The following THBS3 variants were observed in gnomAD, a reference collection of about 807,000 sequenced individuals.
The protein encoded by THBS3 is thrombospondin 3, also known as thrombospondin-3.
Under a neutral mutation model 118.3 loss-of-function variants are expected in THBS3, and 78 were observed. The observed-to-expected ratio is 0.66, with a 90% CI of 0.55 to 0.80. THBS3 has a LOEUF of 0.80. THBS3 is among the 30% of genes least tolerant of loss of function. The pLI is 0.00. For synonymous variants in THBS3, 427 were observed against 475.3 expected, an observed-to-expected ratio of 0.90 and a Z score of 1.32; for missense variants, 1,057 against 1,247.4, an observed-to-expected ratio of 0.85 and a Z score of 2.30.
At chr1:155,208,859 C>T (rs576992799), upstream of THBS3, 5 of 1,608,088 alleles carry the variant, frequency 3.1e-6, no homozygotes, top group East Asian at 1.1e-4. Flanking sequence ...CCCCAAGGGG[C>T]CCTGGAGCAG....
rs563646613 is a variant in THBS3, at chr1:155,197,407, G to C, written c.2499+56C>G. 6.3e-7 allele frequency: 1 copy of C among 1,583,890 alleles called. No individual in the cohort carries two copies. Among genetic ancestry groups the C allele is most frequent in the East Asian group, 2.2e-5 (1 of 44,538 alleles). On this transcript the variant is annotated intron_variant, in intron 20 of 22. Coordinates refer to ENST00000368378, the MANE Select transcript of THBS3 (RefSeq NM_007112.5). This position sits in a 1 kb window ranked among gnomAD's most constrained non-coding sequence, Gnocchi z 5.0. Reference sequence around the variant, plus strand: ...AAGCAGTGGGGGAGGCCCTGGGGCTGCAGAGGAGAGCTTTGGGAAAGGGCC... The same window carrying C: ...AAGCAGTGGGGGAGGCCCTGGGGCTCCAGAGGAGAGCTTTGGGAAAGGGCC...
At chr1:155,196,163 C>G (rs1354279934) in intron 21 of THBS3, 37 bp from the exon 22 acceptor site, 2 of 1,611,496 alleles carry the variant, frequency 1.2e-6, no homozygotes, top group African/African-American at 1.3e-5. Context: ...TCCATTGGTG[C>G]TAGGGTGCCA....
chr1:155,208,434 C>CT (rs1157356091), upstream of THBS3, among the ~76,000 whole-genome samples: 3 of 152,196 alleles, frequency 2.0e-5, no homozygotes, highest in South Asian at 2.1e-4. Context: ...CGTAGGAAAG[C>CT]TTGGGAGTCT....
Position 155,201,565 on chromosome 1 carries a change from G to A in THBS3, c.1181C>T (p.Ser394Phe). 1 of 1,613,742 alleles carries A rather than the reference G, an allele frequency of 6.2e-7. No homozygotes were observed. The highest frequency in any genetic ancestry group is 8.5e-7 in the Non-Finnish European group (1 of 1,179,840). Residue 394 changes from serine (S) to phenylalanine (F), a missense_variant, in exon 11 of 23, where the codon TCT becomes TTT. Coordinates refer to ENST00000368378, the MANE Select transcript of THBS3 (RefSeq NM_007112.5). The part of the protein sequence containing the change: ...PNSICTNTVG[S>F]FKCGPCRLGF... ...CAGGCGGCAGGGACCACACTTGAAA[G>A]AGCCCTAAGAGTGGAGAGGCAGCAT...
chr1:155,200,522 G>A lies in THBS3; in HGVS notation c.1637C>T (p.Pro546Leu), dbSNP rs143027519. The A allele has an allele frequency of 3.7e-6, 6 of 1,614,112 alleles. No homozygotes were observed. The highest frequency in any genetic ancestry group is 1.1e-5 in the South Asian group (1 of 91,078). The change falls in exon 14 of 23, where the codon CCC (proline) becomes CTC (leucine). Residue 546 changes from proline (P) to leucine (L), a missense_variant. Physicochemically the swap from Pro to Leu is moderately conservative, Grantham distance 98 (BLOSUM62 -3). Coordinates refer to ENST00000368378, the MANE Select transcript of THBS3 (RefSeq NM_007112.5). ...GDACDNCPNV[P>L]NNDQKDTDGN... is the part of the protein sequence containing the mutation. The stretch of plus-strand genomic sequence containing the variant: ...ATCTGTGTCCTTCTGGTCATTGTTG[G>A]GAACGTTGGGGCAATTGTCACAGGC...
At position 155,202,650 on chromosome 1, in the gene THBS3, C is replaced by T. The variant is rs1437776569; in HGVS notation, c.957+162G>A. Among the ~76,000 whole-genome samples the T allele has an allele frequency of 6.6e-6, 1 of 152,150 alleles. No homozygotes were observed. The highest frequency in any genetic ancestry group is 1.5e-5 in the Non-Finnish European group (1 of 68,030). On this transcript the variant is annotated intron_variant, in intron 8 of 22. Transcript: ENST00000368378. This position sits in a 1 kb window ranked among gnomAD's most constrained non-coding sequence, Gnocchi z 5.5. ...TCCCTGTATGGCCTTCAGTCTTTGC[C>T]CCAGGCCTTCTGTCTCTCCCATCTT...
chr1:155,208,383 G>A (rs992398647), upstream of THBS3, among the ~76,000 whole-genome samples: 1 of 152,200 alleles, frequency 6.6e-6, no homozygotes, highest in African/African-American at 2.4e-5. Context: ...TTAGGGTGGG[G>A]GGTCCCCTGA....
intron 4 of THBS3, among the ~76,000 whole-genome samples, chr1:155,203,936 C>T (rs975622083): frequency 1.3e-5 from 2 of 151,900 alleles, no homozygotes; most frequent in Non-Finnish European, 2.9e-5. Flanking sequence ...CTCCTGGGTT[C>T]AAGCAACTCT....
chr1:155,195,688 G>A lies in THBS3; in HGVS notation c.*153C>T. 2 of 764,674 alleles carry A rather than the reference G, an allele frequency of 2.6e-6. No individual in the cohort carries two copies. The highest frequency in any genetic ancestry group is 4.3e-6 in the Non-Finnish European group (2 of 464,010). The allele number at this position is 764,674 out of a possible 1,614,324, so 47.4% of individuals were successfully genotyped here. A position where few individuals can be genotyped will look rare whatever the true frequency, so the allele number is the denominator to read the frequency against. Reference sequence around the variant, plus strand: ...AAACTTCTCATCCCCTGAAGGGTGGGGTGACCACCCCTCTGGGACTGAACT... The same window carrying A: ...AAACTTCTCATCCCCTGAAGGGTGGAGTGACCACCCCTCTGGGACTGAACT... On this transcript the variant is annotated 3_prime_UTR_variant, in exon 23 of 23. Coordinates refer to ENST00000368378, the MANE Select transcript of THBS3 (RefSeq NM_007112.5).
Position 155,198,049 on chromosome 1 carries a change from A to G in THBS3, c.2246T>C (p.Leu749Pro). 6.2e-7 allele frequency: 1 copy of G among 1,614,170 alleles called. No homozygotes were observed. The highest frequency in any genetic ancestry group is 8.5e-7 in the Non-Finnish European group (1 of 1,180,032). Residue 749 changes from leucine to proline, a missense_variant, in exon 18 of 23, where the codon CTC becomes CCC. Physicochemically the swap from Leu to Pro is moderately conservative, Grantham distance 98 (BLOSUM62 -3). Transcript: ENST00000368378. ...CCCACTGCCCCGAGTTACCTGGTTG[A>G]GCACAACCCAGTTTGGGTCAATCTG... ...DAQIDPNWVV[L>P]NQGMEIVQTM...
chr1:155,199,583 GTC>G (rs1264220710), intron 16 of THBS3, among the ~76,000 whole-genome samples: 2 of 152,074 alleles, frequency 1.3e-5, no homozygotes, highest in African/African-American at 4.8e-5. Context: ...GTGAAACCCT[GTC>G]TCTACTGAAA....
rs772480490 is a variant in THBS3 at position 155,198,472 on chromosome 1, A to C, written c.2011T>G (p.Tyr671Asp). The change falls in exon 17 of 23, where the codon TAT becomes GAT. Residue 671 changes from tyrosine (Y) to aspartate (D), a missense_variant. This residue lies in a region of THBS3 where 544 missense variants were observed against 715.6 expected (regional missense o/e 0.76). Coordinates refer to ENST00000368378, the MANE Select transcript of THBS3 (RefSeq NM_007112.5). Reference protein sequence around the residue: ...GDDDNDGIPDYVPPGPDNCRL... With the variant: ...GDDDNDGIPDDVPPGPDNCRL... ...CAGTTATCGGGACCAGGAGGCACAT[A>C]ATCTGGGATGCCATCATTGTCATCA... 1 of 1,614,154 alleles carries C rather than the reference A, an allele frequency of 6.2e-7. No homozygotes were observed. Among genetic ancestry groups the C allele is most frequent in the Non-Finnish European group, 8.5e-7 (1 of 1,180,008 alleles).
Position 155,195,760 on chromosome 1 carries a change from G to T in THBS3, c.*81C>A. ...GTCTGTGGTTGGCTGAGGGGCTGTA[G>T]CTTAGACCTCAGGGTCTCCAGGATG... On this transcript the variant is annotated 3_prime_UTR_variant, in exon 23 of 23. Coordinates refer to ENST00000368378, the MANE Select transcript of THBS3 (RefSeq NM_007112.5). 2.0e-6 allele frequency: 3 copies of T among 1,486,018 alleles called. No individual in the cohort carries two copies. The highest frequency in any genetic ancestry group is 2.3e-5 in the East Asian group (1 of 44,202). 92.1% of individuals were successfully genotyped at this position (1,486,018 alleles called of 1,614,324 possible).
rs140640141 is a variant in THBS3 at position 155,197,916 on chromosome 1, C to A, written c.2266G>T (p.Val756Phe). The A allele has an allele frequency of 3.7e-6, 6 of 1,613,866 alleles. No homozygotes were observed. The South Asian group carries it at 5.5e-5, about 15-fold the overall frequency. ...WVVLNQGMEI[V>F]QTMNSDPGLA... ...CCAGGGTCACTGTTCATGGTCTGAA[C>A]GATTTCCATGCCCTGGGGTTGTATA... The change falls in exon 19 of 23, where the codon GTT becomes TTT. Residue 756 changes from valine (V) to phenylalanine (F), a missense_variant. Coordinates refer to ENST00000368378, the MANE Select transcript of THBS3 (RefSeq NM_007112.5). The surrounding 1 kb of genome is among the most constrained non-coding windows in gnomAD (Gnocchi z 5.0).
Position 155,206,383 on chromosome 1 carries a change from C to G in THBS3, c.103G>C (p.Glu35Gln). The change falls in exon 2 of 23, where the codon GAG (glutamate) becomes CAG (glutamine). Residue 35 changes from glutamate to glutamine, a missense_variant. Physicochemically the swap from Glu to Gln is conservative, Grantham distance 29 (BLOSUM62 2). This residue lies in a region of THBS3 where 206 missense variants were observed against 205.7 expected (regional missense o/e 1.00). Transcript: ENST00000368378. The surrounding 1 kb of genome is among the most constrained non-coding windows in gnomAD (Gnocchi z 4.2). ...LQVIDLLTVGESRQMVAVAEK... is the reference protein window; with the variant it reads ...LQVIDLLTVGQSRQMVAVAEK... ...GCCACAGCTACCATCTGCCGAGACT[C>G]GCCCACAGTCAGCAGGTCAATTACT... The G allele has an allele frequency of 6.2e-7, 1 of 1,614,074 alleles. No homozygotes were observed. Among genetic ancestry groups the G allele is most frequent in the Non-Finnish European group, 8.5e-7 (1 of 1,180,004 alleles).
Position 155,204,896 on chromosome 1 carries a change from C to G in THBS3, c.605G>C (p.Ser202Thr), listed in dbSNP as rs1185442739. The change falls in exon 4 of 23, where the codon AGT becomes ACT. Residue 202 changes from serine to threonine, a missense_variant. Physicochemically the swap from Ser to Thr is moderately conservative, Grantham distance 58. Around this residue, in one of 3 missense-constraint regions of THBS3, gnomAD observed 544 missense variants for 715.6 expected, o/e 0.76. Coordinates refer to ENST00000368378, the MANE Select transcript of THBS3 (RefSeq NM_007112.5). ...CTCGTCCCCTTGGAATGGACACTCA[C>G]TCAGGGCTCCTACCCGGGCCATGGA... ...GGSMARVGAL[S>T]ECPFQGDESI... is the part of the protein sequence containing the mutation. 6.2e-7 allele frequency: 1 copy of G among 1,614,014 alleles called. No homozygotes were observed. The highest frequency in any genetic ancestry group is 8.5e-7 in the Non-Finnish European group (1 of 1,180,030).
Position 155,197,061 on chromosome 1 carries a change from C to T in THBS3, c.2652G>A (p.Arg884=). ...CTTACCGAATGTAGCCAACTTGAGGCCGGTGCAGAAGCTGCCAGCGATAGG... is the reference window on the plus strand; with the variant it reads ...CTTACCGAATGTAGCCAACTTGAGGTCGGTGCAGAAGCTGCCAGCGATAGG... ...KTSYRWQLLH[R]PQVGYIRVKL... Residue 884 remains arginine (R), a synonymous_variant, in exon 21 of 23, where the codon CGG becomes CGA. Transcript: ENST00000368378. This position sits in a 1 kb window ranked among gnomAD's most constrained non-coding sequence, Gnocchi z 5.0. The T allele has an allele frequency of 6.2e-7, 1 of 1,613,830 alleles. No homozygotes were observed. Among genetic ancestry groups the T allele is most frequent in the Non-Finnish European group, 8.5e-7 (1 of 1,179,852 alleles).
Position 155,195,822 on chromosome 1 carries a change from G to T in THBS3, c.*19C>A. ...CAAAGGGTCTAAAATTCTGAATTCT[G>T]AATCTGGTGGCCTCCTCCTCACACC... On this transcript the variant is annotated 3_prime_UTR_variant, in exon 23 of 23. Coordinates refer to ENST00000368378, the MANE Select transcript of THBS3 (RefSeq NM_007112.5). The T allele has an allele frequency of 6.2e-7, 1 of 1,613,206 alleles. No homozygotes were observed. The highest frequency in any genetic ancestry group is 1.1e-5 in the South Asian group (1 of 91,012).
chr1:155,200,212 C>T, intron 14 of THBS3, 99 bp from the exon 15 acceptor site: 1 of 1,179,084 alleles, frequency 8.5e-7, no homozygotes, highest in Non-Finnish European at 1.2e-6. Context: ...ACCCAGAGGA[C>T]AACTGGCCAG....
Sources: gnomAD v4.1 joint callset for allele counts (sites outside exome capture counted in the v4.1 genomes callset) on GRCh38, gnomAD v4.1.1 for gene constraint, gnomAD v4.1.1 regional missense constraint, Gnocchi (gnomAD v3.1) non-coding constraint, MANE v1.5 for transcripts, NCBI Gene and HGNC (gene_info 2026-07-23, HGNC 2026-07-21) for gene names.